Variants in SAMSN1 observed in about 807,000 individuals in gnomAD.
SAMSN1 encodes the protein SAM domain-containing protein SAMSN-1.
SAMSN1 carries 31 observed loss-of-function variants against 42.0 expected under a neutral mutation model. The observed-to-expected ratio is 0.74, with a 90% confidence interval of 0.55 to 1.00. The LOEUF (loss-of-function observed/expected upper bound fraction) is 1.00, where lower values mean the gene tolerates loss of function less well. Ranked by LOEUF, SAMSN1 falls within the 50% of genes least tolerant of loss-of-function variation. SAMSN1 has a pLI of 0.00. For missense variants in SAMSN1, 464 were observed against 439.4 expected (o/e 1.06, Z -0.50); for synonymous variants, 178 against 151.9 (o/e 1.17, Z -1.26).
intron 2 of SAMSN1, among the ~76,000 whole-genome samples, chr21:14,575,696 A>G (rs1352446140): frequency 6.6e-6 from 1 of 152,144 alleles, no homozygotes; most frequent in Admixed American, 6.5e-5. Flanking sequence ...CTTATTATTT[A>G]CCAGGTCCAA....
intron 3 of SAMSN1, among the ~76,000 whole-genome samples, chr21:14,514,748 AT>A (rs533721359): frequency 6.6e-6 from 1 of 151,896 alleles, no homozygotes; most frequent in African/African-American, 2.4e-5. Context: ...TGAGAAAACC[AT>A]TTTTTTTGTA....
intron 6 of SAMSN1, among the ~76,000 whole-genome samples, chr21:14,499,722 T>C (rs550685521): frequency 2.0e-5 from 3 of 152,196 alleles, no homozygotes; most frequent in Admixed American, 2.0e-4. Flanking sequence ...TACATTCTCA[T>C]AGGAATATCC....
At chr21:14,526,634 A>G (rs1978878758) in intron 1 of SAMSN1, among the ~76,000 whole-genome samples, 5 of 152,216 alleles carry the variant, frequency 3.3e-5, no homozygotes, top group Non-Finnish European at 7.3e-5. Flanking sequence ...TGTTGAAACC[A>G]GAACTTGCAA....
upstream of SAMSN1, chr21:14,585,280 C>A (rs931535317): frequency 6.6e-6 from 1 of 151,962 alleles, no homozygotes; most frequent in Non-Finnish European, 1.5e-5. Context: ...CTCTTTAGAC[C>A]CTTTCAGAAA....
At chr21:14,574,192 C>A (rs1357828930) in intron 2 of SAMSN1, among the ~76,000 whole-genome samples, 2 of 152,070 alleles carry the variant, frequency 1.3e-5, no homozygotes, top group African/African-American at 2.4e-5. Flanking sequence ...ATATTGGGCC[C>A]CCACCTCAGA....
intron 5 of SAMSN1, among the ~76,000 whole-genome samples, chr21:14,606,885 A>G (rs920376380): frequency 1.3e-5 from 2 of 152,248 alleles, no homozygotes; most frequent in Non-Finnish European, 2.9e-5. Flanking sequence ...GGATTAATAC[A>G]TCAGACAGAA....
At chr21:14,536,277 T>A (rs1388916864) in intron 1 of SAMSN1, among the ~76,000 whole-genome samples, 1 of 152,156 alleles carries the variant, frequency 6.6e-6, no homozygotes, top group African/African-American at 2.4e-5. Context: ...AAACTATTTA[T>A]CTCCAAAGCA....
intron 2 of SAMSN1, among the ~76,000 whole-genome samples, chr21:14,635,334 A>G (rs1983440568): frequency 6.6e-6 from 1 of 152,238 alleles, no homozygotes; most frequent in Non-Finnish European, 1.5e-5. Context: ...GTATCCCAGA[A>G]CTTAAAGTGA....
chr21:14,512,700 C>T (rs1987741742), intron 3 of SAMSN1, 127 bp from the exon 4 acceptor site: 5 of 843,294 alleles, frequency 5.9e-6, no homozygotes, highest in Non-Finnish European at 9.1e-6. Flanking sequence ...GGATAAAATA[C>T]AAAAGTAGTT....
intron 7 of SAMSN1, among the ~76,000 whole-genome samples, chr21:14,492,312 G>A (rs1050943156): frequency 5.3e-5 from 8 of 152,216 alleles, no homozygotes; most frequent in East Asian, 1.9e-4. Context: ...CAACATACTC[G>A]AATACCGATC....
intron 2 of SAMSN1, among the ~76,000 whole-genome samples, chr21:14,625,394 T>A (rs1372552649): frequency 1.3e-5 from 2 of 152,128 alleles, no homozygotes; most frequent in South Asian, 2.1e-4. Flanking sequence ...GTCTCAGCCC[T>A]AAATCTCCTT....
At chr21:14,553,274 T>G (rs1980659516) in intron 2 of SAMSN1, among the ~76,000 whole-genome samples, 1 of 152,168 alleles carries the variant, frequency 6.6e-6, no homozygotes, top group African/African-American at 2.4e-5. Context: ...GTTTAATGCT[T>G]TATGTTCCTC....
At chr21:14,599,214 C>G (rs1982360582) in intron 6 of SAMSN1, among the ~76,000 whole-genome samples, 1 of 152,126 alleles carries the variant, frequency 6.6e-6, no homozygotes, top group Admixed American at 6.5e-5. Flanking sequence ...GAATTGTAAT[C>G]CCCATAATTC....
At chr21:14,493,530 T>A (rs1986781392) in intron 7 of SAMSN1, among the ~76,000 whole-genome samples, 1 of 150,936 alleles carries the variant, frequency 6.6e-6, no homozygotes, top group African/African-American at 2.4e-5. Flanking sequence ...TAAAGAGGAC[T>A]TCAGAGTAAG....
chr21:14,645,038 C>T (rs1983686495), intron 1 of SAMSN1, among the ~76,000 whole-genome samples: 1 of 152,174 alleles, frequency 6.6e-6, no homozygotes, highest in African/African-American at 2.4e-5. Flanking sequence ...AGACTCTAAT[C>T]CCTGACTCCT....
chr21:14,556,741 A>C (rs1412935495), intron 2 of SAMSN1, among the ~76,000 whole-genome samples: 1 of 152,206 alleles, frequency 6.6e-6, no homozygotes, highest in African/African-American at 2.4e-5. Flanking sequence ...TGCATGTGTT[A>C]TTTGTGGGAA....
intron 3 of SAMSN1, among the ~76,000 whole-genome samples, chr21:14,513,918 G>T (rs1987796979): frequency 6.6e-6 from 1 of 152,164 alleles, no homozygotes; most frequent in Non-Finnish European, 1.5e-5. Flanking sequence ...GCCACATCAA[G>T]AAAAGCTTTA....
At chr21:14,526,898 G>A (rs1164981076) in intron 1 of SAMSN1, among the ~76,000 whole-genome samples, 1 of 152,164 alleles carries the variant, frequency 6.6e-6, no homozygotes, top group Non-Finnish European at 1.5e-5. Flanking sequence ...ATCAAAACCA[G>A]AAGAACTTGA....
chr21:14,559,818 T>C (rs1051496502), intron 2 of SAMSN1, among the ~76,000 whole-genome samples: 2 of 152,152 alleles, frequency 1.3e-5, no homozygotes, highest in Admixed American at 1.3e-4. Flanking sequence ...AAAATCCCTC[T>C]TTTAGGCAGA....
Sources: gnomAD v4.1 joint callset for allele counts (sites outside exome capture counted in the v4.1 genomes callset) on GRCh38, gnomAD v4.1.1 for gene constraint, MANE v1.5 for transcripts, NCBI Gene and HGNC (gene_info 2026-07-23, HGNC 2026-07-21) for gene names.